The following LTBP1 variants were observed in gnomAD, a reference collection of about 807,000 sequenced individuals.
LTBP1 encodes the protein latent transforming growth factor beta binding protein 1.
Under a neutral mutation model 207.6 loss-of-function variants are expected in LTBP1, and 129 were observed. That is an observed-to-expected ratio of 0.62 (90% CI 0.54 to 0.72). The LOEUF is 0.72. LTBP1 is among the 30% of genes least tolerant of loss of function. LTBP1 has a pLI of 0.00. For missense variants in LTBP1, 2,281 were observed against 2,217.2 expected, an observed-to-expected ratio of 1.03 and a Z score of -0.58; for synonymous variants, 963 against 833.7, an observed-to-expected ratio of 1.16 and a Z score of -2.67.
At chr2:33,028,478 G>GTCA (rs1335819632) in intron 3 of LTBP1, among the ~76,000 whole-genome samples, 1 of 152,124 alleles carries the variant, frequency 6.6e-6, no homozygotes, top group Non-Finnish European at 1.5e-5. Flanking sequence ...GACCAGCCTG[G>GTCA]TCAACATGGT....
At chr2:33,002,542 A>G (rs986109603) in intron 2 of LTBP1, among the ~76,000 whole-genome samples, 1 of 152,060 alleles carries the variant, frequency 6.6e-6, no homozygotes, top group South Asian at 2.1e-4. Flanking sequence ...TTGTGGGTGG[A>G]TTTTCCAGCT....
At chr2:33,357,995 A>G (rs1243368153) in intron 26 of LTBP1, among the ~76,000 whole-genome samples, 1 of 152,352 alleles carries the variant, frequency 6.6e-6, no homozygotes, top group Non-Finnish European at 1.5e-5. Flanking sequence ...TTTACTGACC[A>G]GAGTTTTATC....
chr2:33,305,889 A>G (rs1490175654), intron 22 of LTBP1, among the ~76,000 whole-genome samples: 2 of 152,220 alleles, frequency 1.3e-5, no homozygotes, highest in Non-Finnish European at 2.9e-5. Flanking sequence ...CAGAAGAACC[A>G]AAAGTTAACC....
intron 4 of LTBP1, among the ~76,000 whole-genome samples, chr2:33,133,574 G>A (rs1463758255): frequency 6.6e-6 from 1 of 152,200 alleles, no homozygotes; most frequent in Non-Finnish European, 1.5e-5. Flanking sequence ...TTCAGGTTGC[G>A]ATCCAGCAGT....
At chr2:33,055,146 A>G (rs563505218) in intron 3 of LTBP1, among the ~76,000 whole-genome samples, 1 of 152,170 alleles carries the variant, frequency 6.6e-6, no homozygotes, top group African/African-American at 2.4e-5. Flanking sequence ...ATTATAGAAC[A>G]CCGAGGTTGC....
At chr2:33,013,448 T>A (rs1234392085) in intron 2 of LTBP1, among the ~76,000 whole-genome samples, 4 of 152,128 alleles carry the variant, frequency 2.6e-5, no homozygotes, top group Admixed American at 2.0e-4. Flanking sequence ...TAATTTTTTT[T>A]ATATAATAGC....
chr2:33,196,541 G>C (rs1253809430), intron 7 of LTBP1, among the ~76,000 whole-genome samples: 1 of 152,024 alleles, frequency 6.6e-6, no homozygotes, highest in Non-Finnish European at 1.5e-5. Context: ...TGAAAAAAAA[G>C]GAGATGACTA....
chr2:33,341,729 A>AAAAAAAAAAAAATATAT (rs745445793), intron 24 of LTBP1, among the ~76,000 whole-genome samples: 3 of 93,622 alleles, frequency 3.2e-5, no homozygotes, highest in African/African-American at 1.5e-4. Flanking sequence ...AAAAAAAAAA[A>AAAAAAAAAAAAATATAT]ATATATATAT....
intron 3 of LTBP1, among the ~76,000 whole-genome samples, chr2:33,043,725 G>A (rs1012872885): frequency 2.6e-5 from 4 of 152,224 alleles, no homozygotes; most frequent in Non-Finnish European, 4.4e-5. Flanking sequence ...TAGGGGAGTA[G>A]CCATAAGTGA....
intron 4 of LTBP1, among the ~76,000 whole-genome samples, chr2:33,126,655 A>T (rs2081453394): frequency 6.6e-6 from 1 of 152,238 alleles, no homozygotes. Context: ...TATTTATCAC[A>T]TAATATTGGA....
intron 5 of LTBP1, among the ~76,000 whole-genome samples, chr2:33,180,377 C>G (rs2086495638): frequency 6.6e-6 from 1 of 151,808 alleles, no homozygotes; most frequent in Admixed American, 6.6e-5. Context: ...GGAGTCCAGC[C>G]TTTCTTTTTT....
intron 25 of LTBP1, 42 bp downstream of exon 25, chr2:33,343,005 T>A (rs1291019634): frequency 1.3e-6 from 2 of 1,583,128 alleles, no homozygotes; most frequent in Non-Finnish European, 1.7e-6. Flanking sequence ...CACATGTCCC[T>A]AGGGAAAAGA....
At chr2:32,995,142 C>G (rs1316295677) in intron 2 of LTBP1, among the ~76,000 whole-genome samples, 1 of 151,896 alleles carries the variant, frequency 6.6e-6, no homozygotes, top group East Asian at 1.9e-4. Flanking sequence ...TATGATCACA[C>G]CATTGCACTC....
At chr2:33,294,360 C>A (rs1428613017) in intron 20 of LTBP1, among the ~76,000 whole-genome samples, 1 of 151,668 alleles carries the variant, frequency 6.6e-6, no homozygotes, top group African/African-American at 2.4e-5. Context: ...CCATGCCCAG[C>A]TAATTTTTAT....
intron 4 of LTBP1, among the ~76,000 whole-genome samples, chr2:33,116,642 T>C (rs2080762914): frequency 6.6e-6 from 1 of 152,110 alleles, no homozygotes; most frequent in Admixed American, 6.5e-5. Context: ...TGTCATGTTT[T>C]ATATGGTAAC....
intron 24 of LTBP1, among the ~76,000 whole-genome samples, chr2:33,325,377 A>G (rs1169871031): frequency 6.6e-6 from 1 of 152,204 alleles, no homozygotes; most frequent in African/African-American, 2.4e-5. Context: ...TCTGAGGCCT[A>G]AGTGTCAAAA....
chr2:33,139,031 T>C (rs2082410342), intron 5 of LTBP1, among the ~76,000 whole-genome samples: 1 of 151,218 alleles, frequency 6.6e-6, no homozygotes, highest in South Asian at 2.1e-4. Flanking sequence ...GCTAATTTTT[T>C]GTATTTTTAG....
intron 4 of LTBP1, among the ~76,000 whole-genome samples, chr2:33,120,971 G>A (rs1236989591): frequency 1.3e-5 from 2 of 152,168 alleles, no homozygotes; most frequent in Non-Finnish European, 2.9e-5. Context: ...TGGTATGCAA[G>A]TCAGGAAAAA....
At chr2:32,955,079 G>C (rs141965470) in intron 2 of LTBP1, among the ~76,000 whole-genome samples, 1 of 152,296 alleles carries the variant, frequency 6.6e-6, no homozygotes, top group Non-Finnish European at 1.5e-5. Flanking sequence ...CAAAATCTTT[G>C]GGGTTTTTAA....
Sources: allele counts gnomAD v4.1 joint callset (sites outside exome capture counted in the v4.1 genomes callset), GRCh38; gene constraint gnomAD v4.1.1; transcripts MANE v1.5; gene names NCBI Gene and HGNC (gene_info 2026-07-23, HGNC 2026-07-21).